PEAK1: variants seen among roughly 807,000 people sequenced by gnomAD.
PEAK1 encodes the protein pseudopodium enriched atypical kinase 1.
PEAK1 carries 54 observed loss-of-function variants against 124.7 expected under a neutral mutation model. The observed-to-expected ratio is 0.43, with a 90% CI of 0.35 to 0.54. The LOEUF is 0.54. Among genes scored for constraint, PEAK1 ranks in the 20% least tolerant of loss-of-function variants. The probability of loss-of-function intolerance (pLI) is 0.01; values close to 1 mark genes in which losing one functional copy is unlikely to be tolerated. For synonymous variants in PEAK1, 719 were observed against 760.0 expected, an observed-to-expected ratio of 0.95 and a Z score of 0.89; for missense variants, 2,046 against 2,134.5, an observed-to-expected ratio of 0.96 and a Z score of 0.82.
At position 77,119,865 on chromosome 15, in the gene PEAK1, T is replaced by C. The variant is rs1013913759; in HGVS notation, c.4078-4546A>G. On this transcript the variant is annotated intron_variant, in intron 9 of 9. Coordinates refer to ENST00000682557, the MANE Select transcript of PEAK1 (RefSeq NM_001385026.1). ...ACCTAGAGAGCTAACTTCTAAAAAG[T>C]AGACCATCAGGGGCTTTGACTGTAA... Among the ~76,000 whole-genome samples, 4 of 152,202 alleles carry C rather than the reference T, an allele frequency of 2.6e-5. No individual in the cohort carries two copies. The South Asian group carries it at 8.3e-4, about 32-fold the overall frequency.
At chr15:77,409,260 C>T (rs146513276) in intron 1 of PEAK1, among the ~76,000 whole-genome samples, 2 of 152,248 alleles carry the variant, frequency 1.3e-5, no homozygotes, top group East Asian at 3.9e-4. Context: ...TGGAATATTT[C>T]TATCATCTTT....
intron 2 of PEAK1, chr15:77,353,039 C>T: frequency 1.0e-6 from 1 of 982,550 alleles, no homozygotes; most frequent in Non-Finnish European, 1.2e-6. Context: ...CAAAGAAAAC[C>T]ATGAACCCTC....
chr15:77,416,809 G>A (rs529810925), intron 1 of PEAK1, among the ~76,000 whole-genome samples: 1 of 152,132 alleles, frequency 6.6e-6, no homozygotes, highest in South Asian at 2.1e-4. Context: ...GTATGAAAAT[G>A]GAAATGTCAT....
At chr15:77,254,277 C>A (rs1253802425) in intron 5 of PEAK1, among the ~76,000 whole-genome samples, 1 of 152,088 alleles carries the variant, frequency 6.6e-6, no homozygotes, top group Admixed American at 6.6e-5. Flanking sequence ...ATTGTTCTAT[C>A]CCATATTCTC....
chr15:77,417,967 G>A, intron 1 of PEAK1: 2 of 970,910 alleles, frequency 2.1e-6, no homozygotes, highest in South Asian at 4.8e-5. Flanking sequence ...AATGTACAAA[G>A]ATAAATGTTT....
intron 6 of PEAK1, among the ~76,000 whole-genome samples, chr15:77,251,846 A>C (rs979093871): frequency 2.0e-5 from 3 of 152,208 alleles, no homozygotes; most frequent in Admixed American, 2.0e-4. Context: ...TTCTGCATAA[A>C]TCATCCCTTA....
intron 8 of PEAK1, among the ~76,000 whole-genome samples, chr15:77,138,492 T>C (rs1357826651): frequency 6.6e-6 from 1 of 152,248 alleles, no homozygotes; most frequent in African/African-American, 2.4e-5. Context: ...TAAGCTTAAA[T>C]TTTGTTTAAC....
intron 2 of PEAK1, among the ~76,000 whole-genome samples, chr15:77,318,259 T>C (rs1347434232): frequency 6.6e-6 from 1 of 152,208 alleles, no homozygotes; most frequent in Admixed American, 6.5e-5. Context: ...GGTTTTGCTA[T>C]TATAATACAG....
In PEAK1 at chr15:77,110,303, G is replaced by A. The variant is rs942133726; in HGVS notation, c.*3853C>T. ...AGATGGAGTTTCACCATGTTGGCCA[G>A]GCTGGTCTCAAACTCCTGACCTCAG... On this transcript the variant is annotated 3_prime_UTR_variant, in exon 10 of 10. Coordinates refer to ENST00000682557, the MANE Select transcript of PEAK1 (RefSeq NM_001385026.1). 1 of 152,220 alleles carries A rather than the reference G, an allele frequency of 6.6e-6. No homozygotes were observed. The highest frequency in any genetic ancestry group is 2.4e-5 in the African/African-American group (1 of 41,434). 9.4% of individuals were successfully genotyped at this position (152,220 alleles called of 1,614,324 possible).
At chr15:77,132,625 G>A (rs1195680549) in intron 9 of PEAK1, among the ~76,000 whole-genome samples, 2 of 151,362 alleles carry the variant, frequency 1.3e-5, no homozygotes, top group Admixed American at 1.3e-4. Flanking sequence ...AACCTGGGAG[G>A]CGGAGGTTGC....
intron 6 of PEAK1, among the ~76,000 whole-genome samples, chr15:77,191,469 T>C (rs530188597): frequency 1.7e-4 from 26 of 152,300 alleles, no homozygotes; most frequent in African/African-American, 5.1e-4. Flanking sequence ...CACTGTTAAC[T>C]ATGCTTAGGT....
At chr15:77,369,195 T>C (rs957551861) in intron 1 of PEAK1, among the ~76,000 whole-genome samples, 30 of 152,264 alleles carry the variant, frequency 2.0e-4, no homozygotes, top group East Asian at 1.9e-4. Context: ...CAGAAAATAT[T>C]TGTATGTGAA....
At chr15:77,216,855 T>G (rs1477520789) in intron 6 of PEAK1, among the ~76,000 whole-genome samples, 1 of 152,070 alleles carries the variant, frequency 6.6e-6, no homozygotes, top group African/African-American at 2.4e-5. Flanking sequence ...TAATGGAAAT[T>G]TTAAACAAGT....
chr15:77,113,850 C>CT lies in PEAK1; in HGVS notation c.*305dup. 1 of 355,492 alleles carries CT rather than the reference C, an allele frequency of 2.8e-6. No individual in the cohort carries two copies. The highest frequency in any genetic ancestry group is 4.3e-5 in the South Asian group (1 of 23,110). 22.0% of individuals were successfully genotyped at this position (355,492 alleles called of 1,614,324 possible). Reference sequence around the variant, plus strand: ...ACTGGCTGAGTTCATACCAAAGAAGCTGTCCCTTCAAGAATATGGATTTTC... The same window carrying CT: ...ACTGGCTGAGTTCATACCAAAGAAGCTTGTCCCTTCAAGAATATGGATTTTC... On this transcript the variant is annotated 3_prime_UTR_variant, in exon 10 of 10. Transcript: ENST00000682557.
chr15:77,107,824 T>C (rs892912558), downstream of PEAK1: 1 of 152,246 alleles, frequency 6.6e-6, no homozygotes, highest in Non-Finnish European at 1.5e-5. Flanking sequence ...CAACATGCAG[T>C]ACAAACCCAG....
intron 6 of PEAK1, chr15:77,205,018 T>C: frequency 5.1e-6 from 1 of 194,630 alleles, no homozygotes; most frequent in Non-Finnish European, 1.1e-5. Flanking sequence ...AAAGAAGATT[T>C]ACGTGCAGAA....
intron 2 of PEAK1, among the ~76,000 whole-genome samples, chr15:77,315,901 G>C (rs2064842155): frequency 6.6e-6 from 1 of 152,050 alleles, no homozygotes; most frequent in African/African-American, 2.4e-5. Flanking sequence ...ACACAAAAAT[G>C]ATACAGGTAA....
chr15:77,281,622 T>A (rs2062678478), intron 5 of PEAK1, among the ~76,000 whole-genome samples: 1 of 151,978 alleles, frequency 6.6e-6, no homozygotes, highest in Non-Finnish European at 1.5e-5. Context: ...ATAAAAGAAA[T>A]AAAAAGACCC....
intron 7 of PEAK1, chr15:77,178,411 A>G (rs1442594835): frequency 1.3e-5 from 3 of 229,740 alleles, no homozygotes; most frequent in Non-Finnish European, 2.5e-5. Context: ...TTTCATTTAC[A>G]GTGAGGGAAA....
Sources: allele counts gnomAD v4.1 joint callset (sites outside exome capture counted in the v4.1 genomes callset), GRCh38; gene constraint gnomAD v4.1.1; transcripts MANE v1.5; gene names NCBI Gene and HGNC (gene_info 2026-07-23, HGNC 2026-07-21).